The following ZNF185 variants were observed in gnomAD, a reference collection of about 807,000 sequenced individuals.
The protein encoded by ZNF185 is zinc finger protein 185 with LIM domain.
A neutral mutation model predicts 58.6 loss-of-function variants in ZNF185; 56 were observed. The observed-to-expected ratio is 0.95, with a 90% CI of 0.77 to 1.19. The LOEUF is 1.19. Among genes scored for constraint, ZNF185 ranks in the 50% most tolerant of loss-of-function variants. The pLI, the probability that ZNF185 is intolerant of heterozygous loss-of-function variation, is 0.00. For missense variants in ZNF185, 627 were observed against 573.5 expected, an observed-to-expected ratio of 1.09 and a Z score of -0.95; for synonymous variants, 230 against 215.9, an observed-to-expected ratio of 1.07 and a Z score of -0.57.
chrX:152,928,434 C>T, intron 11 of ZNF185, 141 bp from the exon 13 acceptor site: 1 of 597,528 alleles, frequency 1.7e-6, no homozygotes, highest in Non-Finnish European at 2.6e-6. Context: ...GCTGCAGCAC[C>T]AACAAGGCTC....
At chrX:152,899,554 G>A in the ZNF185 span, among the ~76,000 whole-genome samples, 2 of 113,033 alleles carry the variant, frequency 1.8e-5, no homozygotes, top group Non-Finnish European at 3.8e-5. Context: ...GCATTCAGCC[G>A]TGTGGAGCTG....
chrX:152,911,986 C>G (rs374944338), upstream of ZNF185, among the ~76,000 whole-genome samples: 82 of 102,263 alleles, frequency 8.0e-4, no homozygotes, highest in Middle Eastern at 0.01. Context: ...ATCCGTCTAT[C>G]CCATCCCATC....
intron 14 of ZNF185, 48 bp from the exon 16 acceptor site, chrX:152,936,370 A>G (rs2046286937): frequency 9.1e-7 from 1 of 1,094,057 alleles, no homozygotes; most frequent in Non-Finnish European, 1.2e-6. Context: ...GGGTAGACAT[A>G]CAGACACAAA....
chrX:152,971,690 A>G lies in ZNF185; in HGVS notation c.*417A>G, dbSNP rs1223265117. On this transcript the variant is annotated 3_prime_UTR_variant, in exon 23 of 23. Coordinates refer to ENST00000449285, the Ensembl canonical transcript of ZNF185. ...GACTGTTGATGATCCCTGGTGGGTAAATTGCAGACATCAAATGCTAGGGAT... is the reference window on the plus strand; with the variant it reads ...GACTGTTGATGATCCCTGGTGGGTAGATTGCAGACATCAAATGCTAGGGAT... The G allele has an allele frequency of 7.1e-5, 8 of 112,180 alleles. No homozygotes were observed. In the Admixed American group the frequency reaches 7.6e-4, roughly 11 times the overall value. The allele number at this position is 112,180 out of a possible 1,213,427, so 9.2% of individuals were successfully genotyped here.
chrX:152,928,625 G>A (rs1556874734), exon 12 of ZNF185: 1 of 1,211,840 alleles, frequency 8.3e-7, no homozygotes, highest in South Asian at 1.8e-5. Context: ...CCCAGGGCAG[G>A]ACTCCGCCTG....
At position 152,917,752 on chromosome X, in the gene ZNF185, G is replaced by C. The variant is rs59413272; in HGVS notation, c.342-313G>C. On this transcript the variant is annotated intron_variant, in intron 5 of 22. Transcript: ENST00000449285. ...TGATGGCATTGAGAAGGCTGAAGTT[G>C]CATGCAATTCAAGCACCTTGGCATC... 2.1e-5 allele frequency: 20 copies of C among 943,260 alleles called. No homozygotes were observed. The East Asian group carries it at 7.5e-4, about 35-fold the overall frequency. 77.7% of individuals were successfully genotyped at this position (943,260 alleles called of 1,213,427 possible). A position where few individuals can be genotyped will look rare whatever the true frequency, so the allele number is the denominator to read the frequency against.
chrX:152,966,370 C>A (rs192425249), intron 19 of ZNF185, among the ~76,000 whole-genome samples: 8 of 111,333 alleles, frequency 7.2e-5, no homozygotes, highest in Non-Finnish European at 1.1e-4. Context: ...GAGGTGAGGT[C>A]CCTTAGAATG....
chrX:152,969,574 G>T (rs954664870), intron 21 of ZNF185, 90 bp downstream of exon 23: 3 of 685,940 alleles, frequency 4.4e-6, no homozygotes, highest in Non-Finnish European at 6.8e-6. Flanking sequence ...GGAGTCTTAC[G>T]GGTTCAGAGA....
upstream of ZNF185, among the ~76,000 whole-genome samples, chrX:152,911,078 G>A (rs1937108311): frequency 8.9e-6 from 1 of 111,882 alleles, no homozygotes. Context: ...TGGGGGAGGA[G>A]CAGGGCTTGC....
rs782657588 is a variant in ZNF185 at position 152,944,107 on chromosome X, G to A, written c.1212-1160G>A. ...TCACTTGCCTGCAGTTCTGCCTGGTGCAGCTGGAGGTGGCAATTAGCTTGT... is the reference window on the plus strand; with the variant it reads ...TCACTTGCCTGCAGTTCTGCCTGGTACAGCTGGAGGTGGCAATTAGCTTGT... On this transcript the variant is annotated intron_variant, in intron 15 of 22. Coordinates refer to ENST00000449285, the Ensembl canonical transcript of ZNF185. Among the ~76,000 whole-genome samples, 4 of 113,182 alleles carry A rather than the reference G, an allele frequency of 3.5e-5. No homozygotes were observed. In the South Asian group the frequency reaches 1.4e-3, roughly 41 times the overall value.
chrX:152,957,910 C>T lies in ZNF185; in HGVS notation c.1410-1789C>T, dbSNP rs190628690. Among the ~76,000 whole-genome samples the T allele has an allele frequency of 7.1e-3, 802 of 112,439 alleles. 5 individuals are homozygous for T. Among genetic ancestry groups the T allele is most frequent in the Middle Eastern group, 0.023 (5 of 219 alleles). Reference sequence around the variant, plus strand: ...ATCAGTTTGCACAGAGAGAGAGAAGCCTGAAATCTGACTGGGAAGAGATAT... The same window carrying T: ...ATCAGTTTGCACAGAGAGAGAGAAGTCTGAAATCTGACTGGGAAGAGATAT... On this transcript the variant is annotated intron_variant, in intron 16 of 22. Transcript: ENST00000449285.
At chrX:152,905,132 G>C in the ZNF185 span, among the ~76,000 whole-genome samples, 182 of 112,903 alleles carry the variant, frequency 1.6e-3, no homozygotes, top group Non-Finnish European at 2.4e-3. Flanking sequence ...CATCTCTGAC[G>C]GCACCGCTGT....
chrX:152,898,105 T>TGCCCCGCGCCCCGCGCCCCGCGCCCCGC, the ZNF185 span, among the ~76,000 whole-genome samples: 1 of 36,875 alleles, frequency 2.7e-5, no homozygotes, highest in African/African-American at 6.8e-5. Flanking sequence ...CTCCCCGCTG[T>TGCCCCGCGCCCCGCGCCCCGCGCCCCGC]GCACCGCGCC....
intron 9 of ZNF185, 128 bp from the exon 11 acceptor site, chrX:152,922,045 G>A: frequency 3.1e-6 from 2 of 647,837 alleles, no homozygotes; most frequent in South Asian, 5.5e-5. Context: ...CCCCAGCCTG[G>A]GCCACCTCTT....
intron 14 of ZNF185, among the ~76,000 whole-genome samples, 173 bp from the exon 17 acceptor site, chrX:152,937,901 G>T (rs182849408): frequency 8.9e-6 from 1 of 112,743 alleles, no homozygotes; most frequent in Non-Finnish European, 1.9e-5. Flanking sequence ...GCTGACATGA[G>T]GTTGTCACAC....
At chrX:152,914,664 T>C in intron 1 of ZNF185, 46 bp from the exon 3 acceptor site, 2 of 1,189,890 alleles carry the variant, frequency 1.7e-6, no homozygotes, top group Non-Finnish European at 2.3e-6. Context: ...TCGAGGGTCC[T>C]GGGGCTGCAT....
chrX:152,913,215 G>A (rs547799025), upstream of ZNF185, among the ~76,000 whole-genome samples: 52 of 112,399 alleles, frequency 4.6e-4, 1 homozygote, highest in South Asian at 0.018. Context: ...AGGCTCTTCT[G>A]CTTTGTGACT....
chrX:152,928,496 G>A (rs184985731), intron 11 of ZNF185, 79 bp from the exon 13 acceptor site: 162 of 1,033,779 alleles, frequency 1.6e-4, no homozygotes, highest in East Asian at 1.5e-3. Context: ...GGGTCTGGGC[G>A]GCCCACCGCA....
chrX:152,968,930 A>G (rs1556916709), intron 20 of ZNF185, among the ~76,000 whole-genome samples: 1 of 111,660 alleles, frequency 9.0e-6, no homozygotes, highest in African/African-American at 3.3e-5. Flanking sequence ...GTCCAGGAGT[A>G]TAGGCAGGGG....
Sources: allele counts gnomAD v4.1 joint callset (sites outside exome capture counted in the v4.1 genomes callset), GRCh38; gene constraint gnomAD v4.1.1; transcripts MANE v1.5; gene names NCBI Gene and HGNC (gene_info 2026-07-23, HGNC 2026-07-21).